APP: variants seen among roughly 807,000 people sequenced by gnomAD.
APP encodes the protein amyloid-beta precursor protein.
A neutral mutation model predicts 101.4 loss-of-function variants in APP; 31 were observed. The ratio of observed to expected loss-of-function variants is 0.31; its 90% confidence interval spans 0.23 to 0.41. The LOEUF is 0.41. Among genes scored for constraint, APP ranks in the 10% least tolerant of loss-of-function variants. APP has a pLI of 1.00. For missense variants in APP, 839 were observed against 1,003.7 expected (o/e 0.84, Z 2.22); for synonymous variants, 366 against 364.4 (o/e 1.00, Z -0.05).
chr21:26,034,435 G>A (rs1352768054), intron 5 of APP, among the ~76,000 whole-genome samples: 1 of 151,886 alleles, frequency 6.6e-6, no homozygotes, highest in Admixed American at 6.6e-5. Context: ...TTGAGGACAG[G>A]AGATCGAGAC....
chr21:26,141,898 G>A (rs1034884622), intron 1 of APP, among the ~76,000 whole-genome samples: 1 of 152,150 alleles, frequency 6.6e-6, no homozygotes, highest in African/African-American at 2.4e-5. Flanking sequence ...TAGACCTGTG[G>A]AAGGCCCTCA....
At chr21:26,040,748 G>C (rs939898421) in intron 5 of APP, among the ~76,000 whole-genome samples, 4 of 148,336 alleles carry the variant, frequency 2.7e-5, no homozygotes, top group African/African-American at 4.9e-5. Context: ...GTGACAGAGC[G>C]AGACTCTATC....
chr21:26,062,428 C>T (rs1019568809), intron 3 of APP, among the ~76,000 whole-genome samples: 6 of 151,726 alleles, frequency 4.0e-5, no homozygotes, highest in African/African-American at 7.3e-5. Context: ...TTTGGGAGGC[C>T]GAGGCAAGTG....
intron 16 of APP, among the ~76,000 whole-genome samples, chr21:25,896,406 A>G (rs1181844569): frequency 6.7e-6 from 1 of 148,438 alleles, no homozygotes; most frequent in Non-Finnish European, 1.5e-5. Context: ...TCTGCTTGGA[A>G]AAAAGTAACA....
rs1162386472 is a variant in APP, at chr21:25,904,473, G to A, written c.1963+551C>T. On this transcript the variant is annotated intron_variant, in intron 15 of 17. Transcript: ENST00000346798. ...TACTTTAGCCACTCATTGAGAATAA[G>A]TACATACAACCCACAAAACAGAAGA... Among the ~76,000 whole-genome samples, 8 of 152,308 alleles carry A rather than the reference G, an allele frequency of 5.3e-5. 1 individual carries two copies. In the East Asian group the frequency reaches 1.5e-3, roughly 29 times the overall value.
intron 16 of APP, among the ~76,000 whole-genome samples, chr21:25,896,782 G>A (rs916457686): frequency 1.3e-5 from 2 of 152,086 alleles, no homozygotes; most frequent in Non-Finnish European, 2.9e-5. Context: ...TAACACTATC[G>A]GGAACATCAT....
intron 5 of APP, among the ~76,000 whole-genome samples, chr21:26,030,474 C>A (rs2044770899): frequency 6.6e-6 from 1 of 152,138 alleles, no homozygotes; most frequent in Non-Finnish European, 1.5e-5. Flanking sequence ...TGCTTCCTAT[C>A]TGAACTTTTC....
At chr21:26,017,248 C>T (rs959267092) in intron 6 of APP, among the ~76,000 whole-genome samples, 3 of 127,522 alleles carry the variant, frequency 2.4e-5, no homozygotes, top group Admixed American at 8.0e-5. Flanking sequence ...TGGCTTTAAA[C>T]GGGGAAGTAA....
chr21:26,105,824 T>A (rs2062170855), intron 2 of APP, among the ~76,000 whole-genome samples: 2 of 152,138 alleles, frequency 1.3e-5, no homozygotes, highest in South Asian at 4.1e-4. Context: ...CTCCCTCACC[T>A]CGCCCTGTCC....
At chr21:26,049,474 A>G (rs1237635187) in intron 5 of APP, among the ~76,000 whole-genome samples, 1 of 152,126 alleles carries the variant, frequency 6.6e-6, no homozygotes, top group Non-Finnish European at 1.5e-5. Context: ...GGCTGGATCA[A>G]CTGCTATGGG....
chr21:25,903,281 A>G (rs2038604846), intron 15 of APP, among the ~76,000 whole-genome samples: 1 of 150,008 alleles, frequency 6.7e-6, no homozygotes, highest in South Asian at 2.1e-4. Flanking sequence ...GGGCACAAGA[A>G]TTGCTTGAAC....
Position 26,053,280 on chromosome 21 carries a change from C to T in APP, c.424G>A (p.Asp142Asn). 1 of 1,613,928 alleles carries T rather than the reference C, an allele frequency of 6.2e-7. No homozygotes were observed. The highest frequency in any genetic ancestry group is 1.1e-5 in the South Asian group (1 of 91,082). The change falls in exon 4 of 18, where the codon GAT becomes AAT. Residue 142 changes from aspartate (D) to asparagine (N), a missense_variant. Transcript: ENST00000346798. Reference sequence around the variant, plus strand: ...CAGTGAAGATGAGTTTCGCAAACATCCATCCTCTCCTGGTGTAAGAATTTG... The same window carrying T: ...CAGTGAAGATGAGTTTCGCAAACATTCATCCTCTCCTGGTGTAAGAATTTG... The part of the protein sequence containing the change: ...KCKFLHQERM[D>N]VCETHLHWHT...
At chr21:26,080,567 G>C (rs2061577354) in intron 3 of APP, among the ~76,000 whole-genome samples, 1 of 151,822 alleles carries the variant, frequency 6.6e-6, no homozygotes, top group Non-Finnish European at 1.5e-5. Context: ...AGGAGTTCAA[G>C]ACCAGACTGG....
chr21:26,009,703 C>T (rs1337749407), intron 6 of APP: 1 of 151,894 alleles, frequency 6.6e-6, no homozygotes, highest in Non-Finnish European at 1.5e-5. Context: ...GATTCTCCTG[C>T]TTCAGCCTCC....
At chr21:25,996,940 G>A (rs1485124653) in intron 8 of APP, among the ~76,000 whole-genome samples, 1 of 152,176 alleles carries the variant, frequency 6.6e-6, no homozygotes, top group Non-Finnish European at 1.5e-5. Context: ...CCCATTGCTA[G>A]CTTTGCTAAG....
chr21:26,158,976 C>A (rs926815977), intron 1 of APP, among the ~76,000 whole-genome samples: 5 of 152,236 alleles, frequency 3.3e-5, no homozygotes, highest in African/African-American at 4.8e-5. Context: ...CACAGCCCCA[C>A]CCAGATTCTA....
At chr21:25,991,422 G>A (rs1036470333) in intron 8 of APP, among the ~76,000 whole-genome samples, 2 of 152,126 alleles carry the variant, frequency 1.3e-5, no homozygotes, top group Admixed American at 1.3e-4. Flanking sequence ...TTGTCCCCCA[G>A]GCTGGAGTGC....
At chr21:26,065,121 T>G (rs1487247150) in intron 3 of APP, among the ~76,000 whole-genome samples, 4 of 152,208 alleles carry the variant, frequency 2.6e-5, no homozygotes, top group African/African-American at 9.7e-5. Flanking sequence ...CCCAAAGTGC[T>G]GGGATTACAG....
At chr21:25,979,823 G>GA (rs55710281) in intron 9 of APP, among the ~76,000 whole-genome samples, 151,832 of 151,838 alleles carry the variant, frequency 1, 75,913 homozygotes, top group Middle Eastern at 1. Flanking sequence ...TAAAAAAAAT[G>GA]CTACAGTGGG....
Sources: allele counts gnomAD v4.1 joint callset (sites outside exome capture counted in the v4.1 genomes callset), GRCh38; gene constraint gnomAD v4.1.1; transcripts MANE v1.5; gene names NCBI Gene and HGNC (gene_info 2026-07-23, HGNC 2026-07-21).